NKAIN2: variants seen among roughly 807,000 people sequenced by gnomAD.
NKAIN2 encodes the protein sodium/potassium transporting ATPase interacting 2.
In NKAIN2, 14 loss-of-function variants were observed where a neutral mutation model predicts 32.6. The ratio of observed to expected loss-of-function variants is 0.43; its 90% CI spans 0.28 to 0.67. The LOEUF (loss-of-function observed/expected upper bound fraction) is 0.67, where lower values mean the gene tolerates loss of function less well. Among genes scored for constraint, NKAIN2 ranks in the 30% least tolerant of loss-of-function variants. The probability of loss-of-function intolerance (pLI) is 0.17; values close to 1 mark genes in which losing one functional copy is unlikely to be tolerated. For synonymous variants in NKAIN2, 80 were observed against 87.2 expected (o/e 0.92, Z 0.46); for missense variants, 198 against 258.3 (o/e 0.77, Z 1.60).
At chr6:124,273,178 A>G (rs1037241496) in intron 1 of NKAIN2, among the ~76,000 whole-genome samples, 3 of 152,096 alleles carry the variant, frequency 2.0e-5, no homozygotes, top group Non-Finnish European at 4.4e-5. Context: ...GTGGAATGAT[A>G]TGTTTTGGTT....
intron 1 of NKAIN2, among the ~76,000 whole-genome samples, chr6:123,948,114 G>T (rs1777153940): frequency 6.6e-6 from 1 of 151,876 alleles, no homozygotes; most frequent in South Asian, 2.1e-4. Context: ...TTTTCTTATG[G>T]CTGAATAGTG....
intron 4 of NKAIN2, among the ~76,000 whole-genome samples, chr6:124,689,759 T>C (rs112185435): frequency 9.9e-5 from 15 of 152,204 alleles, no homozygotes; most frequent in African/African-American, 3.6e-4. Context: ...GTAACAAAGA[T>C]TAGTTTGACT....
chr6:124,822,250 C>G (rs1781423015), intron 6 of NKAIN2, among the ~76,000 whole-genome samples: 1 of 152,114 alleles, frequency 6.6e-6, no homozygotes, highest in South Asian at 2.1e-4. Context: ...AACCTCATCC[C>G]CTACTGAGAG....
At chr6:123,939,076 A>C (rs144956709) in intron 1 of NKAIN2, among the ~76,000 whole-genome samples, 1,878 of 152,092 alleles carry the variant, frequency 0.012, 21 homozygotes, top group South Asian at 0.023. Context: ...CTTTAGAAGT[A>C]TAAGTAAAAG....
At chr6:124,753,407 T>C (rs1777817910) in intron 4 of NKAIN2, among the ~76,000 whole-genome samples, 1 of 152,042 alleles carries the variant, frequency 6.6e-6, no homozygotes, top group Non-Finnish European at 1.5e-5. Flanking sequence ...AAGATGAAAA[T>C]CCTAACAAGA....
chr6:123,824,750 A>T (rs547955126), intron 1 of NKAIN2, among the ~76,000 whole-genome samples: 14 of 152,022 alleles, frequency 9.2e-5, no homozygotes, highest in African/African-American at 3.4e-4. Flanking sequence ...AAAGAAAAAG[A>T]AAAAACAATT....
intron 4 of NKAIN2, among the ~76,000 whole-genome samples, chr6:124,782,225 TAA>T (rs1392983801): frequency 6.6e-6 from 1 of 152,150 alleles, no homozygotes; most frequent in Non-Finnish European, 1.5e-5. Flanking sequence ...CCGTTGAGTT[TAA>T]CTGTTTCTTT....
intron 1 of NKAIN2, among the ~76,000 whole-genome samples, chr6:123,891,717 T>C (rs1235322631): frequency 6.6e-6 from 1 of 152,220 alleles, no homozygotes; most frequent in Non-Finnish European, 1.5e-5. Flanking sequence ...TCTACGTCGT[T>C]CTATGTGTTT....
chr6:124,466,471 ATCT>A (rs893504849), intron 3 of NKAIN2, among the ~76,000 whole-genome samples: 2 of 152,196 alleles, frequency 1.3e-5, no homozygotes, highest in South Asian at 4.1e-4. Flanking sequence ...GGACAGGTTA[ATCT>A]TCTTTTCTGT....
intron 3 of NKAIN2, among the ~76,000 whole-genome samples, chr6:124,371,519 C>A (rs1261831261): frequency 1.3e-5 from 2 of 151,690 alleles, no homozygotes; most frequent in East Asian, 3.9e-4. Context: ...GGGTGAAACC[C>A]CGTCTCTACT....
At chr6:123,806,038 A>G (rs1773201038) in intron 1 of NKAIN2, among the ~76,000 whole-genome samples, 1 of 152,154 alleles carries the variant, frequency 6.6e-6, no homozygotes, top group Non-Finnish European at 1.5e-5. Flanking sequence ...CTATCTATTC[A>G]AAGTAGAATG....
At chr6:124,658,739 T>G (rs1049345462) in intron 4 of NKAIN2, 1 of 409,114 alleles carries the variant, frequency 2.4e-6, no homozygotes, top group Non-Finnish European at 4.3e-6. Context: ...AATTATAAGA[T>G]TTCCATAAGT....
At chr6:124,188,116 C>T (rs1177464224) in intron 1 of NKAIN2, among the ~76,000 whole-genome samples, 4 of 152,156 alleles carry the variant, frequency 2.6e-5, no homozygotes, top group South Asian at 4.1e-4. Flanking sequence ...AAATGCGCCA[C>T]AGTTCTAGAG....
intron 5 of NKAIN2, among the ~76,000 whole-genome samples, chr6:124,815,230 A>ATATATGTATACATG (rs1554268831): frequency 0.026 from 3,606 of 138,828 alleles, 153 homozygotes; most frequent in African/African-American, 0.087. Flanking sequence ...ATATACATAT[A>ATATATGTATACATG]TATATATATA....
At chr6:124,265,808 C>G (rs1174335192) in intron 1 of NKAIN2, among the ~76,000 whole-genome samples, 1 of 152,196 alleles carries the variant, frequency 6.6e-6, no homozygotes, top group South Asian at 2.1e-4. Flanking sequence ...CAGTATAACA[C>G]CTGGGTGATG....
At chr6:124,134,701 A>T (rs548591080) in intron 1 of NKAIN2, among the ~76,000 whole-genome samples, 2 of 152,078 alleles carry the variant, frequency 1.3e-5, no homozygotes, top group Non-Finnish European at 2.9e-5. Context: ...ATACAAACAA[A>T]AAGTTTGGTA....
chr6:124,545,100 A>C (rs1339131359), intron 3 of NKAIN2, among the ~76,000 whole-genome samples: 1 of 152,212 alleles, frequency 6.6e-6, no homozygotes, highest in Non-Finnish European at 1.5e-5. Flanking sequence ...GAAAGTATTC[A>C]AATTTTACCT....
At chr6:124,413,609 A>T (rs1033639812) in intron 3 of NKAIN2, among the ~76,000 whole-genome samples, 1 of 152,178 alleles carries the variant, frequency 6.6e-6, no homozygotes, top group Non-Finnish European at 1.5e-5. Flanking sequence ...TGGGATAGGG[A>T]TTGCACTAAA....
chr6:124,343,547 A>C (rs2115093244), intron 2 of NKAIN2, among the ~76,000 whole-genome samples: 1 of 151,970 alleles, frequency 6.6e-6, no homozygotes, highest in East Asian at 1.9e-4. Flanking sequence ...ATGGTATCTC[A>C]TTGTGGTTTT....
Sources: allele counts gnomAD v4.1 joint callset (sites outside exome capture counted in the v4.1 genomes callset), GRCh38; gene constraint gnomAD v4.1.1; transcripts MANE v1.5; gene names NCBI Gene and HGNC (gene_info 2026-07-23, HGNC 2026-07-21).